Variants in NCOA1 observed in about 807,000 individuals in gnomAD.
NCOA1 encodes Hin-2 protein.
Under a neutral mutation model 150.9 loss-of-function variants are expected in NCOA1, and 35 were observed. The observed-to-expected ratio is 0.23, with a 90% CI of 0.18 to 0.31. The LOEUF is 0.31. Among genes scored for constraint, NCOA1 ranks in the 10% least tolerant of loss-of-function variants. NCOA1 has a pLI of 1.00. For missense variants in NCOA1, 1,491 were observed against 1,749.3 expected, an observed-to-expected ratio of 0.85 and a Z score of 2.63; for synonymous variants, 590 against 630.0, an observed-to-expected ratio of 0.94 and a Z score of 0.95.
chr2:24,764,571 G>A (rs1290498596), intron 22 of NCOA1, among the ~76,000 whole-genome samples: 2 of 152,172 alleles, frequency 1.3e-5, no homozygotes, highest in Non-Finnish European at 2.9e-5. Context: ...ACAGAAACAG[G>A]GAAATAGTAA....
At chr2:24,530,965 C>T (rs1664857756) in intron 1 of NCOA1, among the ~76,000 whole-genome samples, 1 of 152,180 alleles carries the variant, frequency 6.6e-6, no homozygotes, top group South Asian at 2.1e-4. Flanking sequence ...TTATAGCATT[C>T]TGAGTGTTAA....
intron 4 of NCOA1, among the ~76,000 whole-genome samples, chr2:24,650,890 AC>A (rs1670682432): frequency 6.6e-6 from 1 of 152,168 alleles, no homozygotes; most frequent in Admixed American, 6.5e-5. Flanking sequence ...CATTATACTT[AC>A]CAGTTGAGCA....
At chr2:24,693,929 C>G (rs1672781730) in intron 10 of NCOA1, among the ~76,000 whole-genome samples, 6 of 151,986 alleles carry the variant, frequency 3.9e-5, no homozygotes, top group Admixed American at 2.6e-4. Flanking sequence ...TCAGCAAAGG[C>G]CTGTCTGAGG....
chr2:24,518,928 T>C (rs1030753570), intron 1 of NCOA1, among the ~76,000 whole-genome samples: 12 of 152,156 alleles, frequency 7.9e-5, no homozygotes, highest in African/African-American at 2.7e-4. Flanking sequence ...GCAATCCCAG[T>C]CAAAATCCTA....
intron 7 of NCOA1, among the ~76,000 whole-genome samples, chr2:24,680,516 A>C (rs1427796230): frequency 1.3e-5 from 2 of 152,328 alleles, no homozygotes; most frequent in East Asian, 3.9e-4. Flanking sequence ...TGTGGGATCT[A>C]AAAAAGTCAA....
At chr2:24,634,715 C>CCA in intron 3 of NCOA1, among the ~76,000 whole-genome samples, 1 of 110,588 alleles carries the variant, frequency 9.0e-6, no homozygotes, top group Non-Finnish European at 1.9e-5. Flanking sequence ...GGAACCCCCC[C>CCA]CCCCCCCGCC....
intron 5 of NCOA1, among the ~76,000 whole-genome samples, chr2:24,659,493 A>G (rs939810727): frequency 6.6e-6 from 1 of 152,214 alleles, no homozygotes; most frequent in Non-Finnish European, 1.5e-5. Context: ...AGATAAATTT[A>G]AATATGCATA....
chr2:24,700,967 A>C (rs1386268801), intron 11 of NCOA1, among the ~76,000 whole-genome samples: 1 of 152,228 alleles, frequency 6.6e-6, no homozygotes, highest in Non-Finnish European at 1.5e-5. Context: ...GATATATTTA[A>C]GGTATTTAAG....
chr2:24,589,212 C>CGAGGTACTACCAGAACTATCGTTT (rs2148329761), intron 3 of NCOA1, among the ~76,000 whole-genome samples: 1 of 152,070 alleles, frequency 6.6e-6, no homozygotes, highest in Non-Finnish European at 1.5e-5. Context: ...TTGTGGCCAC[C>CGAGGTACTACCAGAACTATCGTTT]GAGGTACTAC....
intron 8 of NCOA1, among the ~76,000 whole-genome samples, chr2:24,689,487 C>G (rs1672563055): frequency 6.6e-6 from 1 of 151,928 alleles, no homozygotes; most frequent in African/African-American, 2.4e-5. Flanking sequence ...TGGCTCACTG[C>G]AAGCTCCGCC....
chr2:24,639,176 A>C (rs1476804713), intron 3 of NCOA1, among the ~76,000 whole-genome samples: 4 of 152,188 alleles, frequency 2.6e-5, no homozygotes, highest in South Asian at 4.1e-4. Context: ...TAAATGTTGG[A>C]TACAACTTAC....
chr2:24,710,187 A>G (rs1463306554), intron 13 of NCOA1, among the ~76,000 whole-genome samples: 2 of 151,960 alleles, frequency 1.3e-5, no homozygotes, highest in African/African-American at 4.8e-5. Context: ...TCCGCCTCCC[A>G]GGTTCAAGTG....
intron 1 of NCOA1, among the ~76,000 whole-genome samples, chr2:24,511,656 C>T (rs1189602886): frequency 6.6e-6 from 1 of 151,590 alleles, no homozygotes; most frequent in African/African-American, 2.4e-5. Context: ...CAAATATATT[C>T]TCCCATCCTG....
At chr2:24,566,619 G>A (rs1488880218) in intron 2 of NCOA1, among the ~76,000 whole-genome samples, 3 of 152,186 alleles carry the variant, frequency 2.0e-5, no homozygotes, top group Admixed American at 6.5e-5. Context: ...AGCCTTCTCC[G>A]GTTTGAAGGT....
chr2:24,712,858 G>A (rs1347851538), intron 14 of NCOA1, among the ~76,000 whole-genome samples: 4 of 151,682 alleles, frequency 2.6e-5, no homozygotes, highest in Non-Finnish European at 5.9e-5. Context: ...GATGCTCCCA[G>A]AAAGACAAAT....
chr2:24,628,198 G>A (rs1185544952), intron 3 of NCOA1, among the ~76,000 whole-genome samples: 3 of 151,934 alleles, frequency 2.0e-5, no homozygotes, highest in Non-Finnish European at 2.9e-5. Context: ...TACTTGGGAC[G>A]CTGAGGCAGG....
intron 14 of NCOA1, among the ~76,000 whole-genome samples, chr2:24,716,419 C>G (rs1558310942): frequency 6.6e-6 from 1 of 152,020 alleles, no homozygotes; most frequent in Non-Finnish European, 1.5e-5. Flanking sequence ...GGCGAATTGA[C>G]ATTCAACAAA....
chr2:24,635,714 A>G (rs1345006338), intron 3 of NCOA1, among the ~76,000 whole-genome samples: 2 of 152,188 alleles, frequency 1.3e-5, no homozygotes, highest in Non-Finnish European at 1.5e-5. Context: ...GTTTTAGGGC[A>G]CTAAGTTTAT....
chr2:24,624,693 A>C (rs149083646), intron 3 of NCOA1, among the ~76,000 whole-genome samples: 66 of 152,328 alleles, frequency 4.3e-4, no homozygotes, highest in Non-Finnish European at 3.2e-4. Context: ...GTTGCTGCTA[A>C]ATGATGAAAC....
Sources: allele counts gnomAD v4.1 joint callset (sites outside exome capture counted in the v4.1 genomes callset), GRCh38; gene constraint gnomAD v4.1.1; transcripts MANE v1.5; gene names NCBI Gene and HGNC (gene_info 2026-07-23, HGNC 2026-07-21).